The following PEAK1 variants were observed in gnomAD, a reference collection of about 807,000 sequenced individuals.
PEAK1 encodes pseudopodium enriched atypical kinase 1.
PEAK1 carries 54 observed loss-of-function variants against 124.7 expected under a neutral mutation model. The observed-to-expected ratio is 0.43, with a 90% CI of 0.35 to 0.54. PEAK1 has a LOEUF of 0.54. Among genes scored for constraint, PEAK1 ranks in the 20% least tolerant of loss-of-function variants. The pLI is 0.01. For missense variants in PEAK1, 2,046 were observed against 2,134.5 expected (o/e 0.96, Z 0.82); for synonymous variants, 719 against 760.0 (o/e 0.95, Z 0.89).
intron 2 of PEAK1, among the ~76,000 whole-genome samples, chr15:77,291,350 A>T (rs796619855): frequency 2.5e-4 from 38 of 152,360 alleles, no homozygotes; most frequent in African/African-American, 8.7e-4. Context: ...ATATAAATGC[A>T]CACACACACT....
chr15:77,242,113 C>T (rs888307359), intron 6 of PEAK1, among the ~76,000 whole-genome samples: 22 of 152,008 alleles, frequency 1.4e-4, no homozygotes, highest in Non-Finnish European at 1.5e-5. Flanking sequence ...CCATATTTCT[C>T]TATTATAAAC....
At chr15:77,249,011 C>A (rs745334714) in intron 6 of PEAK1, among the ~76,000 whole-genome samples, 2 of 151,862 alleles carry the variant, frequency 1.3e-5, no homozygotes, top group Non-Finnish European at 2.9e-5. Flanking sequence ...TTGGTAGATT[C>A]GGGGTTTCAC....
At chr15:77,418,404 T>C in intron 1 of PEAK1, 1 of 985,358 alleles carries the variant, frequency 1.0e-6, no homozygotes, top group East Asian at 1.1e-4. Context: ...TGATAAAATA[T>C]TTCCCTTTCC....
At chr15:77,136,658 C>A (rs1210765489) in intron 8 of PEAK1, among the ~76,000 whole-genome samples, 2 of 151,482 alleles carry the variant, frequency 1.3e-5, no homozygotes, top group Non-Finnish European at 2.9e-5. Context: ...AGAGTGAGAC[C>A]CCGTCTCCAA....
At position 77,181,008 on chromosome 15, in the gene PEAK1, C is replaced by T. The variant is rs778442765; in HGVS notation, c.919G>A (p.Val307Met). 6.2e-7 allele frequency: 1 copy of T among 1,614,168 alleles called. No individual in the cohort carries two copies. The highest frequency in any genetic ancestry group is 1.1e-5 in the South Asian group (1 of 91,074). ...RNKSLQRICA[V>M]DYDDSYDEIL... is the part of the protein sequence containing the mutation. ...TCATCATAGCTGTCATCATAGTCCA[C>T]AGCACAGATTCTCTGCAGAGACTTG... The change falls in exon 7 of 10, where the codon GTG becomes ATG. Residue 307 changes from valine (V) to methionine (M), a missense_variant. Coordinates refer to ENST00000682557, the MANE Select transcript of PEAK1 (RefSeq NM_001385026.1).
chr15:77,280,107 G>A (rs2062583898), intron 5 of PEAK1, among the ~76,000 whole-genome samples: 1 of 152,148 alleles, frequency 6.6e-6, no homozygotes, highest in Non-Finnish European at 1.5e-5. Context: ...TTGGGAGGCT[G>A]AGGTGGGAGG....
chr15:77,311,849 C>CA (rs1163150989), intron 2 of PEAK1, among the ~76,000 whole-genome samples: 1 of 151,888 alleles, frequency 6.6e-6, no homozygotes, highest in Non-Finnish European at 1.5e-5. Context: ...AGGGCTTTCA[C>CA]AAGAGAAAAA....
At chr15:77,243,805 T>G (rs1423672313) in intron 6 of PEAK1, among the ~76,000 whole-genome samples, 2 of 151,906 alleles carry the variant, frequency 1.3e-5, no homozygotes, top group Non-Finnish European at 2.9e-5. Flanking sequence ...CTCATCTCTA[T>G]TAAAAATACA....
At chr15:77,336,892 TG>T (rs2066236899) in intron 2 of PEAK1, among the ~76,000 whole-genome samples, 1 of 145,380 alleles carries the variant, frequency 6.9e-6, no homozygotes, top group Non-Finnish European at 1.5e-5. Context: ...TAGGGCTAAA[TG>T]AAAAAAAAAA....
intron 5 of PEAK1, among the ~76,000 whole-genome samples, chr15:77,269,207 T>G (rs2061898430): frequency 1.3e-5 from 2 of 152,084 alleles, no homozygotes; most frequent in African/African-American, 4.8e-5. Flanking sequence ...AATGCTCCAC[T>G]TAAAAGACAG....
intron 8 of PEAK1, among the ~76,000 whole-genome samples, chr15:77,138,139 T>G (rs958296014): frequency 1.4e-4 from 21 of 152,214 alleles, no homozygotes; most frequent in African/African-American, 4.8e-4. Flanking sequence ...CTCCTTCTTT[T>G]GTAAATTGCC....
At chr15:77,284,891 AAC>A (rs72078461) in intron 4 of PEAK1, 65 bp downstream of exon 4, 27,666 of 139,492 alleles carry the variant, frequency 0.2, 2,766 homozygotes, top group Non-Finnish European at 0.24. Flanking sequence ...TCTCTACTAA[AAC>A]ACACACACAC....
downstream of PEAK1, chr15:77,105,063 G>A (rs1473733927): frequency 6.6e-6 from 1 of 152,132 alleles, no homozygotes; most frequent in Non-Finnish European, 1.5e-5. Context: ...CCCCAACCCT[G>A]GGCAAAGATG....
At chr15:77,210,794 G>A (rs1321422169) in intron 6 of PEAK1, among the ~76,000 whole-genome samples, 2 of 152,088 alleles carry the variant, frequency 1.3e-5, no homozygotes, top group Admixed American at 6.5e-5. Context: ...GCAGGAGAAT[G>A]GCTTGAACCT....
At chr15:77,162,216 G>A (rs1010953485) in intron 7 of PEAK1, among the ~76,000 whole-genome samples, 42 of 151,726 alleles carry the variant, frequency 2.8e-4, no homozygotes, top group African/African-American at 9.9e-4. Flanking sequence ...ATTTAAGGCT[G>A]GGTGCGGTGG....
intron 2 of PEAK1, chr15:77,347,782 G>T: frequency 3.0e-6 from 3 of 984,040 alleles, no homozygotes; most frequent in Non-Finnish European, 3.6e-6. Flanking sequence ...AATTTAGTGA[G>T]TGTATAGATC....
intron 2 of PEAK1, among the ~76,000 whole-genome samples, chr15:77,339,621 C>G (rs1597358160): frequency 6.6e-6 from 1 of 152,086 alleles, no homozygotes; most frequent in South Asian, 2.1e-4. Flanking sequence ...TTCTTAGATT[C>G]AACACCAAAA....
At chr15:77,354,106 T>C (rs1446592570) in intron 2 of PEAK1, among the ~76,000 whole-genome samples, 1 of 152,044 alleles carries the variant, frequency 6.6e-6, no homozygotes. Context: ...AGCCTCCACC[T>C]CCCTCTAAGA....
chr15:77,206,564 T>A (rs958330679), intron 6 of PEAK1, among the ~76,000 whole-genome samples: 1 of 151,924 alleles, frequency 6.6e-6, no homozygotes, highest in Admixed American at 6.6e-5. Flanking sequence ...GATTTGCATT[T>A]CTCTGATAGC....
Sources: allele counts gnomAD v4.1 joint callset (sites outside exome capture counted in the v4.1 genomes callset), GRCh38; gene constraint gnomAD v4.1.1; transcripts MANE v1.5; gene names NCBI Gene and HGNC (gene_info 2026-07-23, HGNC 2026-07-21).